The following ASAH1 variants were observed in gnomAD, a reference collection of about 807,000 sequenced individuals.
ASAH1 encodes the protein acid ceramidase.
A neutral mutation model predicts 59.5 loss-of-function variants in ASAH1; 70 were observed. The observed-to-expected ratio is 1.18, with a 90% CI of 0.97 to 1.43. The LOEUF is 1.43. Ranked by LOEUF, ASAH1 falls within the 40% of genes most tolerant of loss-of-function variation. ASAH1 has a pLI of 0.00. For synonymous variants in ASAH1, 213 were observed against 166.5 expected, an observed-to-expected ratio of 1.28 and a Z score of -2.15; for missense variants, 660 against 482.5, an observed-to-expected ratio of 1.37 and a Z score of -3.45.
At chr8:18,074,236 C>G (rs1800296694) in intron 2 of ASAH1, among the ~76,000 whole-genome samples, 1 of 152,106 alleles carries the variant, frequency 6.6e-6, no homozygotes, top group Non-Finnish European at 1.5e-5. Flanking sequence ...CAGAATGATG[C>G]CAGTGATGAC....
intron 6 of ASAH1, chr8:18,064,147 C>T (rs1420218370): frequency 1.9e-5 from 10 of 513,432 alleles, no homozygotes; most frequent in East Asian, 6.2e-5. Context: ...GCACCTCCTG[C>T]GAGCACTTCC....
chr8:18,065,423 T>C (rs1799889395), intron 5 of ASAH1: 1 of 152,104 alleles, frequency 6.6e-6, no homozygotes, highest in African/African-American at 2.4e-5. Context: ...TGTTGATAAA[T>C]ACTACTGATT....
At chr8:18,084,222 G>C (rs535294197), upstream of ASAH1, 3 of 1,495,948 alleles carry the variant, frequency 2.0e-6, no homozygotes, top group South Asian at 3.9e-5. Flanking sequence ...TGGGAGGAGA[G>C]GACGGGGCTT....
At chr8:18,084,427 G>A (rs986056225), upstream of ASAH1, 31 of 1,372,614 alleles carry the variant, frequency 2.3e-5, no homozygotes, top group Middle Eastern at 2.7e-4. Flanking sequence ...TCGATGGGGC[G>A]CCTCTAGCAG....
chr8:18,075,929 G>A, intron 1 of ASAH1: 1 of 368,250 alleles, frequency 2.7e-6, no homozygotes, highest in Admixed American at 4.2e-5. Flanking sequence ...TGACCTGATA[G>A]GATGTATTAT....
rs781400635 is a variant in ASAH1, at chr8:18,084,088, C to A, written c.-30G>T. The A allele has an allele frequency of 1.3e-6, 2 of 1,597,788 alleles. No homozygotes were observed. The highest frequency in any genetic ancestry group is 1.3e-5 in the African/African-American group (1 of 75,020). ...CTAGCAGCCAACGCCACTCCCCGGA[C>A]TCCAGCAGAGGCAAAGAAGAGCCGG... On this transcript the variant is annotated 5_prime_UTR_variant, in exon 1 of 14. Transcript: ENST00000637790.
At position 18,057,442 on chromosome 8, in the gene ASAH1, G is replaced by T; in HGVS notation, c.*92C>A. ...CAAAGAGAACCTGCCGCGAGTCTTA[G>T]TCTTTGGAAGGTCAGACAGCTGCAG... On this transcript the variant is annotated 3_prime_UTR_variant, in exon 14 of 14. Coordinates refer to ENST00000637790, the MANE Select transcript of ASAH1 (RefSeq NM_177924.5). 1 of 1,002,838 alleles carries T rather than the reference G, an allele frequency of 1.0e-6. No homozygotes were observed. The highest frequency in any genetic ancestry group is 1.5e-6 in the Non-Finnish European group (1 of 653,156). 62.1% of individuals were successfully genotyped at this position (1,002,838 alleles called of 1,614,324 possible).
In ASAH1 at chr8:18,064,493, T is replaced by C. The variant is rs1406240192; in HGVS notation, c.421A>G (p.Thr141Ala). 2 of 1,581,024 alleles carry C rather than the reference T, an allele frequency of 1.3e-6. No individual in the cohort carries two copies. The highest frequency in any genetic ancestry group is 1.7e-6 in the Non-Finnish European group (2 of 1,152,538). The change falls in exon 6 of 14, where the codon ACC becomes GCC. Residue 141 changes from threonine to alanine, a missense_variant. Physicochemically the swap from Thr to Ala is moderately conservative, Grantham distance 58. Coordinates refer to ENST00000637790, the MANE Select transcript of ASAH1 (RefSeq NM_177924.5). ...ISFNIFYELF[T>A]ICTSIVAEDK... Reference sequence around the variant, plus strand: ...TCTGCTACTATTGAAGTACAAATGGTAAATAATTCATAAAAAATATTGAAT... The same window carrying C: ...TCTGCTACTATTGAAGTACAAATGGCAAATAATTCATAAAAAATATTGAAT...
At chr8:18,080,223 G>A (rs951798601) in intron 1 of ASAH1, among the ~76,000 whole-genome samples, 12 of 152,222 alleles carry the variant, frequency 7.9e-5, no homozygotes, top group Admixed American at 3.3e-4. Context: ...GTTGACATAC[G>A]CTGTTAACTA....
chr8:18,081,323 G>C lies in ASAH1; in HGVS notation c.78+2658C>G, dbSNP rs555698798. Among the ~76,000 whole-genome samples the C allele has an allele frequency of 1.2e-4, 18 of 151,974 alleles. 1 individual carries two copies. The highest frequency in any genetic ancestry group is 4.3e-4 in the African/African-American group (18 of 41,402). On this transcript the variant is annotated intron_variant, in intron 1 of 13. Transcript: ENST00000637790. ...ACCCCTGGCGCCACCATCCTTCAAC[G>C]CACCCTGTTTTCTTTTCTGGACTAG...
At chr8:18,079,754 T>C (rs1800574153) in intron 1 of ASAH1, among the ~76,000 whole-genome samples, 1 of 152,242 alleles carries the variant, frequency 6.6e-6, no homozygotes, top group Non-Finnish European at 1.5e-5. Context: ...AATTCTTGAA[T>C]TCATCAACAA....
chr8:18,083,971 G>C lies in ASAH1; in HGVS notation c.78+10C>G, dbSNP rs1800775408. ...CGCCCCTCTCTGCGCCTCGGCTCAA[G>C]CTCACTCACCGGCGGCGCGTGCTGC... is the stretch of plus-strand genomic sequence containing the variant. On this transcript the variant is annotated intron_variant, in intron 1 of 13. Coordinates refer to ENST00000637790, the MANE Select transcript of ASAH1 (RefSeq NM_177924.5). The C allele has an allele frequency of 1.3e-6, 2 of 1,597,360 alleles. No individual in the cohort carries two copies. Among genetic ancestry groups the C allele is most frequent in the African/African-American group, 2.7e-5 (2 of 74,908 alleles).
At position 18,056,240 on chromosome 8, in the gene ASAH1, C is replaced by A. The variant is rs369470580; in HGVS notation, c.*1294G>T. ...GGGAAAAACTGCCTTTAAACACCTG[C>A]AAATTGGGTTGATAGTATCTGGTTA... is the stretch of plus-strand genomic sequence containing the variant. On this transcript the variant is annotated 3_prime_UTR_variant, in exon 14 of 14. Coordinates refer to ENST00000637790, the MANE Select transcript of ASAH1 (RefSeq NM_177924.5). The A allele has an allele frequency of 1.3e-5, 2 of 152,144 alleles. No homozygotes were observed. The highest frequency in any genetic ancestry group is 1.9e-4 in the East Asian group (1 of 5,200). The allele number at this position is 152,144 out of a possible 1,614,324, so 9.4% of individuals were successfully genotyped here.
At chr8:18,077,249 T>A (rs1800441730) in intron 1 of ASAH1, among the ~76,000 whole-genome samples, 1 of 152,208 alleles carries the variant, frequency 6.6e-6, no homozygotes, top group Non-Finnish European at 1.5e-5. Context: ...GATTCCAATA[T>A]TTTCCACAAA....
chr8:18,074,492 G>T (rs1029534563), intron 2 of ASAH1, among the ~76,000 whole-genome samples: 1 of 152,126 alleles, frequency 6.6e-6, no homozygotes, highest in Non-Finnish European at 1.5e-5. Context: ...AATGTTGCAC[G>T]AACTGAAAAT....
At chr8:18,072,013 T>C (rs11779147) in intron 2 of ASAH1, among the ~76,000 whole-genome samples, 49,421 of 152,152 alleles carry the variant, frequency 0.32, 9,082 homozygotes, top group South Asian at 0.41. Flanking sequence ...ATCCTCCAAC[T>C]TCCTACTCTT....
chr8:18,067,135 T>TGTGCTGTATATCTAAGACATACAGCACCA, intron 5 of ASAH1, 85 bp downstream of exon 5: 2 of 1,209,978 alleles, frequency 1.7e-6, no homozygotes, highest in Non-Finnish European at 2.3e-6. Context: ...ATACAGCACC[T>TGTGCTGTATATCTAAGACATACAGCACCA]GTGCTGTATG....
At chr8:18,064,649 C>T (rs1285279808) in intron 5 of ASAH1, 118 bp from the exon 6 acceptor site, 2 of 690,556 alleles carry the variant, frequency 2.9e-6, no homozygotes, top group East Asian at 2.7e-5. Context: ...GCCAGTGGGG[C>T]TGTGCTGGAA....
In ASAH1 at chr8:18,063,311, A is replaced by T. The variant is rs7824650; in HGVS notation, c.458-81T>A. On this transcript the variant is annotated intron_variant, in intron 6 of 13. Coordinates refer to ENST00000637790, the MANE Select transcript of ASAH1 (RefSeq NM_177924.5). ...GCTGGACAATTAATTTTGATTAATT[A>T]ATTTATTTTTGAGACAGAGTCTCGT... 0.46 allele frequency: 544,958 copies of T among 1,187,508 alleles called. 130,941 individuals are homozygous for T. Among genetic ancestry groups the T allele is most frequent in the Non-Finnish European group, 0.52 (419,217 of 801,256 alleles). 73.6% of individuals were successfully genotyped at this position (1,187,508 alleles called of 1,614,324 possible). A position where few individuals can be genotyped will look rare whatever the true frequency, so the allele number is the denominator to read the frequency against.
Sources: gnomAD v4.1 joint callset for allele counts (sites outside exome capture counted in the v4.1 genomes callset) on GRCh38, gnomAD v4.1.1 for gene constraint, MANE v1.5 for transcripts, NCBI Gene and HGNC (gene_info 2026-07-23, HGNC 2026-07-21) for gene names.